Variants in SPMIP2 observed in about 807,000 individuals in gnomAD.
The protein encoded by SPMIP2 is sperm microtubule inner protein 2, also known as protein SPMIP2.
chr4:158,973,618 T>A, the SPMIP2 span, among the ~76,000 whole-genome samples: 1 of 151,892 alleles, frequency 6.6e-6, no homozygotes, highest in African/African-American at 2.4e-5. Context: ...GCTAACAAGC[T>A]CTTTGTACCC....
At chr4:158,906,542 G>C in the SPMIP2 span, 1 of 151,938 alleles carries the variant, frequency 6.6e-6, no homozygotes, top group African/African-American at 2.4e-5. Flanking sequence ...TTCAGCCCAG[G>C]CCCCTCAAAG....
the SPMIP2 span, among the ~76,000 whole-genome samples, chr4:159,019,892 G>C: frequency 6.6e-6 from 1 of 152,156 alleles, no homozygotes; most frequent in African/African-American, 2.4e-5. Flanking sequence ...CAATAAATTA[G>C]AGTTGATTTG....
the SPMIP2 span, among the ~76,000 whole-genome samples, chr4:158,994,724 T>A: frequency 6.6e-6 from 1 of 152,084 alleles, no homozygotes; most frequent in Admixed American, 6.6e-5. Flanking sequence ...CAAGCCAAGG[T>A]AAAGGTCAGA....
At chr4:159,058,633 G>C in the SPMIP2 span, among the ~76,000 whole-genome samples, 1 of 152,118 alleles carries the variant, frequency 6.6e-6, no homozygotes, top group Non-Finnish European at 1.5e-5. Flanking sequence ...TTTAAAAGGT[G>C]TATGGTTCTA....
chr4:159,046,728 A>G, the SPMIP2 span, among the ~76,000 whole-genome samples: 6 of 152,136 alleles, frequency 3.9e-5, no homozygotes, highest in African/African-American at 1.4e-4. Flanking sequence ...GCATGTCACC[A>G]CACTCAGCTA....
the SPMIP2 span, among the ~76,000 whole-genome samples, chr4:159,048,281 C>G: frequency 4.6e-5 from 7 of 152,112 alleles, no homozygotes; most frequent in African/African-American, 1.7e-4. Flanking sequence ...CTGTTGAAGC[C>G]CATTTGTTAG....
At chr4:159,033,029 A>C in the SPMIP2 span, among the ~76,000 whole-genome samples, 1 of 152,228 alleles carries the variant, frequency 6.6e-6, no homozygotes, top group Non-Finnish European at 1.5e-5. Flanking sequence ...ACAATTGCCA[A>C]AAACTGGAAG....
At chr4:158,950,051 C>A in the SPMIP2 span, among the ~76,000 whole-genome samples, 2 of 152,142 alleles carry the variant, frequency 1.3e-5, no homozygotes, top group Admixed American at 1.3e-4. Flanking sequence ...GACCCCGAAC[C>A]CCATCTACCA....
chr4:158,928,608 T>A, the SPMIP2 span, among the ~76,000 whole-genome samples: 1 of 152,000 alleles, frequency 6.6e-6, no homozygotes, highest in Non-Finnish European at 1.5e-5. Context: ...AGGATGTGGG[T>A]GGGGCCAGAT....
At chr4:158,992,588 A>G in the SPMIP2 span, among the ~76,000 whole-genome samples, 2 of 152,210 alleles carry the variant, frequency 1.3e-5, no homozygotes, top group African/African-American at 4.8e-5. Flanking sequence ...ATAACAAAAT[A>G]CCCGAGACTA....
chr4:159,059,538 A>G, the SPMIP2 span, among the ~76,000 whole-genome samples: 56,605 of 151,808 alleles, frequency 0.37, 11,344 homozygotes, highest in East Asian at 0.6. Context: ...AAACTCAGAT[A>G]ATTTTTTAAT....
the SPMIP2 span, among the ~76,000 whole-genome samples, chr4:158,938,123 G>C: frequency 1.3e-5 from 2 of 152,214 alleles, no homozygotes; most frequent in African/African-American, 4.8e-5. Context: ...TCCCACATTA[G>C]TATGATACCC....
At chr4:159,007,900 A>G in the SPMIP2 span, 1 of 458,632 alleles carries the variant, frequency 2.2e-6, no homozygotes, top group South Asian at 1.6e-5. Context: ...GAATATGGTA[A>G]TTACATAATA....
the SPMIP2 span, among the ~76,000 whole-genome samples, chr4:159,039,444 A>G: frequency 6.6e-6 from 1 of 152,170 alleles, no homozygotes; most frequent in African/African-American, 2.4e-5. Flanking sequence ...AAGAGTAAGA[A>G]TGACCCCCAG....
At chr4:159,053,199 G>A in the SPMIP2 span, among the ~76,000 whole-genome samples, 2 of 151,488 alleles carry the variant, frequency 1.3e-5, no homozygotes, top group South Asian at 4.2e-4. Context: ...CTCGTGATCC[G>A]CCCGCCTCGG....
the SPMIP2 span, among the ~76,000 whole-genome samples, chr4:159,079,111 C>T: frequency 2.6e-5 from 4 of 151,740 alleles, no homozygotes; most frequent in East Asian, 7.7e-4. Flanking sequence ...GAGTGAGATC[C>T]CATCTCAAAA....
the SPMIP2 span, among the ~76,000 whole-genome samples, chr4:159,004,279 AC>A: frequency 8.8e-6 from 1 of 114,192 alleles, no homozygotes; most frequent in African/African-American, 3.3e-5. Flanking sequence ...GTCTGAAGCT[AC>A]TCTGTGCTCT....
At chr4:158,989,284 A>G in the SPMIP2 span, among the ~76,000 whole-genome samples, 48,740 of 152,126 alleles carry the variant, frequency 0.32, 7,942 homozygotes, top group South Asian at 0.37. Context: ...ACAAGAATCA[A>G]TATCATGAAA....
chr4:159,018,786 T>C, the SPMIP2 span, among the ~76,000 whole-genome samples: 8 of 152,062 alleles, frequency 5.3e-5, no homozygotes, highest in Admixed American at 4.6e-4. Context: ...AAGTCATCTT[T>C]AGTCAAGAAG....
Sources: gnomAD v4.1 joint callset for allele counts (sites outside exome capture counted in the v4.1 genomes callset) on GRCh38, gnomAD v4.1.1 for gene constraint, MANE v1.5 for transcripts, NCBI Gene and HGNC (gene_info 2026-07-23, HGNC 2026-07-21) for gene names.